IDE: variants seen among roughly 807,000 people sequenced by gnomAD.
IDE encodes the protein insulin degrading enzyme.
Under a neutral mutation model 133.2 loss-of-function variants are expected in IDE, and 58 were observed. That is an observed-to-expected ratio of 0.44 (90% CI 0.35 to 0.54). The LOEUF is 0.54. Ranked by LOEUF, IDE falls within the 20% of genes least tolerant of loss-of-function variation. The pLI, the probability that IDE is intolerant of heterozygous loss-of-function variation, is 0.00. For synonymous variants in IDE, 396 were observed against 421.3 expected (o/e 0.94, Z 0.73); for missense variants, 981 against 1,234.0 (o/e 0.79, Z 3.07).
chr10:92,510,650 G>A (rs1054418889), intron 5 of IDE, among the ~76,000 whole-genome samples: 1 of 150,924 alleles, frequency 6.6e-6, no homozygotes, highest in South Asian at 2.1e-4. Context: ...TCACATATAT[G>A]ATATATATCA....
At position 92,452,341 on chromosome 10, in the gene IDE, AAAG is replaced by A. The variant is rs1589342325; in HGVS notation, c.*2100_*2102del. 1.3e-5 allele frequency: 2 copies of A among 152,322 alleles called. No individual in the cohort carries two copies. The highest frequency in any genetic ancestry group is 1.9e-4 in the East Asian group (1 of 5,184). The allele number at this position is 152,322 out of a possible 1,614,324, so 9.4% of individuals were successfully genotyped here. A position where few individuals can be genotyped will look rare whatever the true frequency, so the allele number is the denominator to read the frequency against. The stretch of plus-strand genomic sequence containing the variant: ...CCCTCTTTCACATCAACTGGTCAAA[AAAG>A]AAGACTTTCTTAAGAAGCCTCAGGT... On this transcript the variant is annotated 3_prime_UTR_variant, in exon 25 of 25. Transcript: ENST00000265986.
rs780707882 is a variant in IDE at position 92,508,101 on chromosome 10, A to G, written c.1153+12T>C. On this transcript the variant is annotated intron_variant, in intron 8 of 24. Transcript: ENST00000265986. ...TTTTCATTCAAAAGTAAAAAGGTGAATCAATACTTACATAATCCTTCCTCG... is the reference window on the plus strand; with the variant it reads ...TTTTCATTCAAAAGTAAAAAGGTGAGTCAATACTTACATAATCCTTCCTCG... The G allele has an allele frequency of 1.2e-5, 19 of 1,569,712 alleles. No individual in the cohort carries two copies. Among genetic ancestry groups the G allele is most frequent in the Non-Finnish European group, 1.6e-5 (18 of 1,144,510 alleles).
chr10:92,523,139 T>C (rs971608632), intron 4 of IDE, among the ~76,000 whole-genome samples: 2 of 152,054 alleles, frequency 1.3e-5, no homozygotes, highest in South Asian at 4.1e-4. Flanking sequence ...CTAGAGTAAA[T>C]AGCAGCGGAG....
chr10:92,464,218 T>A (rs1845550710), intron 20 of IDE, among the ~76,000 whole-genome samples: 1 of 152,166 alleles, frequency 6.6e-6, no homozygotes, highest in Non-Finnish European at 1.5e-5. Context: ...GATGACTTTT[T>A]CTTCTTCTTA....
chr10:92,483,368 A>G, intron 13 of IDE, 31 bp from the exon 14 acceptor site: 1 of 1,198,732 alleles, frequency 8.3e-7, no homozygotes, highest in South Asian at 1.2e-5. Flanking sequence ...GGTTAGGGAA[A>G]TAGAGGCGCA....
intron 4 of IDE, among the ~76,000 whole-genome samples, chr10:92,524,412 T>A (rs1345511666): frequency 1.1e-4 from 4 of 36,792 alleles, no homozygotes; most frequent in South Asian, 1.1e-3. Flanking sequence ...ATAATATATA[T>A]TATATTATAT....
intron 21 of IDE, among the ~76,000 whole-genome samples, chr10:92,461,728 G>A (rs1317369672): frequency 5.9e-5 from 9 of 151,262 alleles, no homozygotes; most frequent in Non-Finnish European, 7.4e-5. Context: ...GCAGTGGTGC[G>A]ATCTCAGCTC....
intron 6 of IDE, 40 bp downstream of exon 6, chr10:92,510,010 A>G (rs1314683040): frequency 1.0e-6 from 1 of 998,156 alleles, no homozygotes; most frequent in Admixed American, 1.9e-5. Context: ...TATTATGTCC[A>G]TAAATTAAGA....
At chr10:92,483,215 G>T (rs759145901) in intron 14 of IDE, 40 bp downstream of exon 14, 31 of 1,037,930 alleles carry the variant, frequency 3.0e-5, no homozygotes, top group Non-Finnish European at 4.2e-5. Flanking sequence ...CGTAATTGTT[G>T]ATTTTTATAA....
At chr10:92,565,924 A>G (rs1042442219) in intron 1 of IDE, among the ~76,000 whole-genome samples, 3 of 152,054 alleles carry the variant, frequency 2.0e-5, no homozygotes, top group Admixed American at 6.6e-5. Context: ...AGTTGAATTC[A>G]TATCTCGCTA....
At chr10:92,555,320 A>G (rs1323898110) in intron 1 of IDE, among the ~76,000 whole-genome samples, 1 of 152,116 alleles carries the variant, frequency 6.6e-6, no homozygotes, top group Non-Finnish European at 1.5e-5. Context: ...CAACATGGTG[A>G]AATCCCATCT....
intron 17 of IDE, among the ~76,000 whole-genome samples, chr10:92,473,741 G>GA (rs1241491692): frequency 6.6e-6 from 1 of 152,198 alleles, no homozygotes; most frequent in Middle Eastern, 3.2e-3. Flanking sequence ...AGCATGCTGG[G>GA]AGGCCAAGGC....
chr10:92,568,983 T>C (rs897207509), intron 1 of IDE, among the ~76,000 whole-genome samples: 9 of 152,204 alleles, frequency 5.9e-5, no homozygotes, highest in African/African-American at 2.2e-4. Flanking sequence ...TACTCTGGCA[T>C]GTACAATATT....
intron 1 of IDE, among the ~76,000 whole-genome samples, chr10:92,569,567 T>C (rs779012545): frequency 2.0e-5 from 3 of 152,058 alleles, no homozygotes; most frequent in East Asian, 1.9e-4. Context: ...CTCAGGAGGA[T>C]TGGGTCTTGG....
intron 16 of IDE, among the ~76,000 whole-genome samples, chr10:92,475,584 C>T (rs1846212380): frequency 6.6e-6 from 1 of 152,120 alleles, no homozygotes; most frequent in Admixed American, 6.6e-5. Flanking sequence ...TGGGATGGAA[C>T]ATTCAAGGAG....
chr10:92,457,145 G>A (rs1459976878), intron 22 of IDE, among the ~76,000 whole-genome samples: 4 of 152,000 alleles, frequency 2.6e-5, no homozygotes, highest in African/African-American at 9.7e-5. Flanking sequence ...GGGCTGTGCA[G>A]GGCTGCACTT....
chr10:92,543,961 C>T (rs1361663074), intron 1 of IDE, among the ~76,000 whole-genome samples: 1 of 152,086 alleles, frequency 6.6e-6, no homozygotes, highest in Admixed American at 6.6e-5. Flanking sequence ...GGCCGGGTGC[C>T]GTGGGTCACG....
In IDE at chr10:92,555,969, C is replaced by T. The variant is rs534585053; in HGVS notation, c.98+17953G>A. 9.2e-5 allele frequency among the ~76,000 whole-genome samples: 14 copies of T among 151,448 alleles called. No individual in the cohort carries two copies. The South Asian group carries it at 2.3e-3, about 25-fold the overall frequency. On this transcript the variant is annotated intron_variant, in intron 1 of 24. Transcript: ENST00000265986. ...CGGGTGGATCACGAGGTCAGGAGAT[C>T]GAGACCATCCTGGCTAACAAGGTGA... is the stretch of plus-strand genomic sequence containing the variant.
At chr10:92,461,400 G>T in intron 21 of IDE, 148 bp from the exon 22 acceptor site, 2 of 454,888 alleles carry the variant, frequency 4.4e-6, no homozygotes, top group Non-Finnish European at 4.0e-6. Context: ...TGTCACCCAC[G>T]CTGGAGTGCA....
Sources: allele counts gnomAD v4.1 joint callset (sites outside exome capture counted in the v4.1 genomes callset), GRCh38; gene constraint gnomAD v4.1.1; transcripts MANE v1.5; gene names NCBI Gene and HGNC (gene_info 2026-07-23, HGNC 2026-07-21).